PLEKHG1: variants seen among roughly 807,000 people sequenced by gnomAD.
The protein encoded by PLEKHG1 is pleckstrin homology and RhoGEF domain containing G1, also known as pleckstrin homology domain-containing family G member 1.
PLEKHG1 carries 44 observed loss-of-function variants against 100.8 expected under a neutral mutation model. That is an observed-to-expected ratio of 0.44 (90% CI 0.34 to 0.56). The LOEUF (loss-of-function observed/expected upper bound fraction) is 0.56, where lower values mean the gene tolerates loss of function less well. Ranked by LOEUF, PLEKHG1 falls within the 20% of genes least tolerant of loss-of-function variation. The pLI is 0.01. For missense variants in PLEKHG1, 1,545 were observed against 1,720.9 expected, an observed-to-expected ratio of 0.90 and a Z score of 1.81; for synonymous variants, 640 against 662.5, an observed-to-expected ratio of 0.97 and a Z score of 0.52.
chr6:150,815,487 A>G (rs1294103242), intron 10 of PLEKHG1, among the ~76,000 whole-genome samples: 1 of 152,250 alleles, frequency 6.6e-6, no homozygotes, highest in African/African-American at 2.4e-5. Context: ...TTGAAAATAA[A>G]GGTGAAGGTA....
At chr6:150,762,041 A>C (rs1784186884) in intron 2 of PLEKHG1, among the ~76,000 whole-genome samples, 1 of 152,174 alleles carries the variant, frequency 6.6e-6, no homozygotes, top group Non-Finnish European at 1.5e-5. Context: ...TACTGCAAGT[A>C]TTATAGTTGG....
At chr6:150,637,222 G>C (rs1778041839) in intron 1 of PLEKHG1, among the ~76,000 whole-genome samples, 1 of 152,174 alleles carries the variant, frequency 6.6e-6, no homozygotes, top group African/African-American at 2.4e-5. Context: ...ATTCACTGCG[G>C]AGCCGAGTAA....
chr6:150,677,903 AAGTC>A (rs1779812514), intron 3 of PLEKHG1, among the ~76,000 whole-genome samples: 1 of 151,228 alleles, frequency 6.6e-6, no homozygotes, highest in Non-Finnish European at 1.5e-5. Flanking sequence ...ATAAATAAAT[AAGTC>A]AGTACAAGTA....
At chr6:150,809,600 TG>T (rs1412586728) in intron 9 of PLEKHG1, 47 bp from the exon 11 acceptor site, 1 of 1,546,390 alleles carries the variant, frequency 6.5e-7, no homozygotes, top group Admixed American at 1.7e-5. Context: ...GAGGGTCCTG[TG>T]GGTGGTGGAA....
intron 2 of PLEKHG1, among the ~76,000 whole-genome samples, chr6:150,739,024 T>C (rs757450955): frequency 6.6e-6 from 1 of 151,952 alleles, no homozygotes; most frequent in Non-Finnish European, 1.5e-5. Context: ...CTGTCAGGGG[T>C]AGGGTGGGTG....
chr6:150,666,481 G>A (rs1779397887), intron 3 of PLEKHG1, among the ~76,000 whole-genome samples: 1 of 152,138 alleles, frequency 6.6e-6, no homozygotes, highest in Admixed American at 6.5e-5. Context: ...CTGTTTGCCA[G>A]CTTGCTCCAT....
At position 150,600,669 on chromosome 6, in the gene PLEKHG1, G is replaced by A. The variant is rs1023499991; in HGVS notation, c.-204+652G>A. ...GGTAAACGGTAACACCTGGGCGGCC[G>A]CGACTCTGCGAGCGTTCTGGCCTCG... On this transcript the variant is annotated intron_variant, in intron 1 of 3. Coordinates refer to the PLEKHG1 transcript ENST00000367326. The surrounding 1 kb of genome is among the most constrained non-coding windows in gnomAD (Gnocchi z 6.2). Among the ~76,000 whole-genome samples, 1 of 152,238 alleles carries A rather than the reference G, an allele frequency of 6.6e-6. No homozygotes were observed. Among genetic ancestry groups the A allele is most frequent in the African/African-American group, 2.4e-5 (1 of 41,468 alleles).
At chr6:150,763,484 G>T (rs558495899) in intron 2 of PLEKHG1, among the ~76,000 whole-genome samples, 1 of 152,274 alleles carries the variant, frequency 6.6e-6, no homozygotes, top group African/African-American at 2.4e-5. Flanking sequence ...CTACGATCTG[G>T]ATTAACTAGG....
intron 1 of PLEKHG1, among the ~76,000 whole-genome samples, chr6:150,628,554 A>ACG (rs1777602144): frequency 6.7e-6 from 1 of 149,858 alleles, no homozygotes; most frequent in Non-Finnish European, 1.5e-5. Context: ...ACACACACAC[A>ACG]CACACACACA....
intron 1 of PLEKHG1, among the ~76,000 whole-genome samples, chr6:150,726,983 G>A (rs759789073): frequency 5.3e-5 from 8 of 152,168 alleles, no homozygotes; most frequent in Non-Finnish European, 1.0e-4. Context: ...TAACAAAACT[G>A]CGCTGTATAT....
chr6:150,786,659 G>T (rs537133553), intron 4 of PLEKHG1, among the ~76,000 whole-genome samples, 200 bp downstream of exon 5: 1 of 152,136 alleles, frequency 6.6e-6, no homozygotes, highest in Non-Finnish European at 1.5e-5. Flanking sequence ...TCTAGAACTT[G>T]TACAGTAACT....
chr6:150,755,007 G>C (rs945016627), intron 2 of PLEKHG1, among the ~76,000 whole-genome samples: 1 of 148,068 alleles, frequency 6.8e-6, no homozygotes, highest in Admixed American at 6.8e-5. Context: ...ATAGGATCTC[G>C]CTCTGTTACC....
At chr6:150,819,319 C>T (rs1776165733) in intron 11 of PLEKHG1, among the ~76,000 whole-genome samples, 1 of 151,980 alleles carries the variant, frequency 6.6e-6, no homozygotes, top group Non-Finnish European at 1.5e-5. Flanking sequence ...AATCCCAGCA[C>T]TTTGGGAGGC....
intron 3 of PLEKHG1, among the ~76,000 whole-genome samples, chr6:150,676,586 A>G (rs1225218205): frequency 6.6e-6 from 1 of 152,162 alleles, no homozygotes; most frequent in Non-Finnish European, 1.5e-5. Flanking sequence ...CGACGGTGTC[A>G]TGAGACAAGA....
chr6:150,728,914 A>G (rs1401579557), intron 1 of PLEKHG1, among the ~76,000 whole-genome samples: 1 of 152,240 alleles, frequency 6.6e-6, no homozygotes, highest in Non-Finnish European at 1.5e-5. Flanking sequence ...AAAAAAAAGT[A>G]AAATGAAACC....
intron 14 of PLEKHG1, among the ~76,000 whole-genome samples, chr6:150,830,216 T>C (rs941172103): frequency 6.6e-6 from 1 of 152,176 alleles, no homozygotes; most frequent in Non-Finnish European, 1.5e-5. Flanking sequence ...TTTCATAAAA[T>C]GATTGTGAAT....
At chr6:150,837,252 T>C (rs1562569198) in intron 15 of PLEKHG1, among the ~76,000 whole-genome samples, 1 of 151,972 alleles carries the variant, frequency 6.6e-6, no homozygotes, top group South Asian at 2.1e-4. Context: ...TGTGTGTGTG[T>C]GCACACACAG....
Position 150,803,062 on chromosome 6 carries a change from G to A in PLEKHG1, c.781-1548G>A, listed in dbSNP as rs571050990. Among the ~76,000 whole-genome samples, 70 of 152,228 alleles carry A rather than the reference G, an allele frequency of 4.6e-4. 1 individual carries two copies. Among genetic ancestry groups the A allele is most frequent in the African/African-American group, 1.6e-3 (67 of 41,554 alleles). On this transcript the variant is annotated intron_variant, in intron 6 of 15. Coordinates refer to ENST00000358517, the Ensembl canonical transcript of PLEKHG1. ...TACTGATGAGCACAGTTGTCTCTCA[G>A]GCTAAAAGAAGAAATCATTATGTTT...
rs535774858 is a variant in PLEKHG1, at chr6:150,809,373, T to C, written c.1096-8T>C. 2.1e-5 allele frequency: 34 copies of C among 1,613,352 alleles called. 1 individual carries two copies. The highest frequency in any genetic ancestry group is 2.7e-5 in the Non-Finnish European group (32 of 1,179,638). On this transcript the variant is annotated splice_region_variant and splice_polypyrimidine_tract_variant and intron_variant, in intron 8 of 15. Coordinates refer to ENST00000358517, the Ensembl canonical transcript of PLEKHG1. ...TGTGCCTCACCCTCTCTGCTCTCTCTGCTCTAGTGTGGCAACCTCATGCTT... is the reference window on the plus strand; with the variant it reads ...TGTGCCTCACCCTCTCTGCTCTCTCCGCTCTAGTGTGGCAACCTCATGCTT...
Sources: allele counts gnomAD v4.1 joint callset (sites outside exome capture counted in the v4.1 genomes callset), GRCh38; gene constraint gnomAD v4.1.1; non-coding constraint Gnocchi (gnomAD v3.1); transcripts MANE v1.5; gene names NCBI Gene and HGNC (gene_info 2026-07-23, HGNC 2026-07-21).